The following ENOSF1 variants were observed in gnomAD, a reference collection of about 807,000 sequenced individuals.
The protein encoded by ENOSF1 is enolase superfamily member 1.
A neutral mutation model predicts 68.2 loss-of-function variants in ENOSF1; 73 were observed. That is an observed-to-expected ratio of 1.07 (90% confidence interval 0.89 to 1.30). The LOEUF is 1.30. ENOSF1 is among the 50% of genes most tolerant of loss of function. ENOSF1 has a pLI of 0.00. For missense variants in ENOSF1, 589 were observed against 554.5 expected (o/e 1.06, Z -0.62); for synonymous variants, 223 against 210.4 (o/e 1.06, Z -0.52).
chr18:683,324 C>T lies in ENOSF1; in HGVS notation c.798G>A (p.Lys266=), dbSNP rs1410196752. 1.2e-6 allele frequency: 2 copies of T among 1,614,164 alleles called. No individual in the cohort carries two copies. The highest frequency in any genetic ancestry group is 1.7e-6 in the Non-Finnish European group (2 of 1,180,026). ...DVPEAVEWMS[K]LAKFKPLWIE... is the part of the protein sequence containing the mutation. Reference sequence around the variant, plus strand: ...TCCACAATGGCTTGAACTTGGCCAGCTTGGACATCCACTCCACCGCCTCAG... The same window carrying T: ...TCCACAATGGCTTGAACTTGGCCAGTTTGGACATCCACTCCACCGCCTCAG... Residue 266 remains lysine (K), a synonymous_variant, in exon 11 of 16, where the codon AAG becomes AAA. Coordinates refer to ENST00000647584, the MANE Select transcript of ENOSF1 (RefSeq NM_017512.7).
intron 2 of ENOSF1, among the ~76,000 whole-genome samples, chr18:701,752 A>G (rs2612080): frequency 0.38 from 50,625 of 133,152 alleles, 9,138 homozygotes; most frequent in African/African-American, 0.43. Flanking sequence ...GCGAGACTCC[A>G]TCTCAAAAAA....
intron 11 of ENOSF1, chr18:682,928 A>C (rs868289467): frequency 2.1e-5 from 5 of 234,188 alleles, no homozygotes; most frequent in Non-Finnish European, 4.1e-5. Context: ...AAAACAAAAA[A>C]AAAAAATGCT....
At chr18:683,408 G>T in intron 10 of ENOSF1, 28 bp from the exon 11 acceptor site, 1 of 1,613,374 alleles carries the variant, frequency 6.2e-7, no homozygotes, top group Non-Finnish European at 8.5e-7. Context: ...TCACAGGGAG[G>T]TCAGCCCTGA....
chr18:675,376 T>C lies in ENOSF1; in HGVS notation c.1175A>G (p.His392Arg). 1 of 1,613,156 alleles carries C rather than the reference T, an allele frequency of 6.2e-7. No individual in the cohort carries two copies. The highest frequency in any genetic ancestry group is 8.5e-7 in the Non-Finnish European group (1 of 1,179,818). Residue 392 changes from histidine to arginine, a missense_variant, in exon 15 of 16, where the codon CAT becomes CGT. His to Arg is a conservative substitution (Grantham distance 29). Coordinates refer to ENST00000647584, the MANE Select transcript of ENOSF1 (RefSeq NM_017512.7). Reference sequence around the variant, plus strand: ...CATCACGGGATACTTGAAATGCTCATGCAGGTGGTCAACATACTCACACAC... The same window carrying C: ...CATCACGGGATACTTGAAATGCTCACGCAGGTGGTCAACATACTCACACAC... ...NRVCEYVDHL[H>R]EHFKYPVMIQ...
chr18:696,844 T>C (rs1189788280), intron 3 of ENOSF1, among the ~76,000 whole-genome samples: 1 of 152,154 alleles, frequency 6.6e-6, no homozygotes, highest in East Asian at 1.9e-4. Flanking sequence ...AGGATGGGCA[T>C]GGTGGCTCAC....
chr18:690,467 G>C (rs1202200150), intron 8 of ENOSF1, 82 bp downstream of exon 8: 2 of 1,465,760 alleles, frequency 1.4e-6, no homozygotes, highest in Admixed American at 3.4e-5. Context: ...GAGGTACTGA[G>C]AGTAGTGGTA....
At chr18:676,512 CT>C (rs1216675898) in intron 14 of ENOSF1, among the ~76,000 whole-genome samples, 2 of 152,190 alleles carry the variant, frequency 1.3e-5, no homozygotes, top group African/African-American at 4.8e-5. Flanking sequence ...CCCCCTTCAC[CT>C]TCCATCATGA....
chr18:710,234 G>GA lies in ENOSF1; in HGVS notation c.84+2269dup, dbSNP rs562417608. Among the ~76,000 whole-genome samples, 1,013 of 152,162 alleles carry GA rather than the reference G, an allele frequency of 6.7e-3. 6 individuals are homozygous for GA. The highest frequency in any genetic ancestry group is 0.027 in the South Asian group (128 of 4,802). ...AGAGATCCTCCCACCTCAGCCTCCT[G>GA]AGTGGCTGGGACCACAGGTGCATGC... On this transcript the variant is annotated intron_variant, in intron 1 of 15. Coordinates refer to ENST00000647584, the MANE Select transcript of ENOSF1 (RefSeq NM_017512.7).
intron 13 of ENOSF1, 141 bp downstream of exon 13, chr18:677,602 G>T: frequency 7.6e-7 from 1 of 1,321,228 alleles, no homozygotes; most frequent in East Asian, 2.3e-5. Context: ...AAAATTCCCG[G>T]ATTAAAGCTA....
At chr18:704,486 A>G (rs909067219) in intron 2 of ENOSF1, among the ~76,000 whole-genome samples, 3 of 150,994 alleles carry the variant, frequency 2.0e-5, no homozygotes, top group African/African-American at 2.4e-5. Flanking sequence ...TCTCTCTGTA[A>G]AACTTGTACA....
At chr18:678,632 G>C (rs1049525069) in intron 12 of ENOSF1, 64 bp downstream of exon 12, 2 of 1,523,442 alleles carry the variant, frequency 1.3e-6, no homozygotes, top group Non-Finnish European at 1.8e-6. Context: ...CTGTGTCCTC[G>C]GTCACTGGTC....
In ENOSF1 at chr18:680,142, T is replaced by C. The variant is rs1474387213; in HGVS notation, c.877-1405A>G. On this transcript the variant is annotated intron_variant, in intron 11 of 15. Transcript: ENST00000647584. Reference sequence around the variant, plus strand: ...GCCAACTTCTCAGCAGAAAAATCCCTTCACTCAGCAGCCAAGTATCCCTGA... The same window carrying C: ...GCCAACTTCTCAGCAGAAAAATCCCCTCACTCAGCAGCCAAGTATCCCTGA... 3.3e-5 allele frequency among the ~76,000 whole-genome samples: 5 copies of C among 152,204 alleles called. No homozygotes were observed. In the East Asian group the frequency reaches 9.6e-4, roughly 29 times the overall value.
intron 10 of ENOSF1, among the ~76,000 whole-genome samples, chr18:684,667 C>T (rs1289219241): frequency 1.3e-5 from 2 of 152,134 alleles, no homozygotes; most frequent in African/African-American, 4.8e-5. Context: ...CCAGTCCTCT[C>T]CCTCCTAGGC....
At chr18:697,147 C>T (rs560638539) in intron 3 of ENOSF1, 93 bp downstream of exon 3, 1 of 873,808 alleles carries the variant, frequency 1.1e-6, no homozygotes, top group East Asian at 2.5e-5. Context: ...AATAAATAAA[C>T]CCATCTCTAT....
At chr18:665,809 A>G (rs2074806587), downstream of ENOSF1, among the ~76,000 whole-genome samples, 2 of 97,350 alleles carry the variant, frequency 2.1e-5, 1 homozygote, top group Non-Finnish European at 3.8e-5. Context: ...TTCAGTTTCC[A>G]TGTAGTTGAG....
At chr18:681,370 C>G (rs1027437178) in intron 11 of ENOSF1, among the ~76,000 whole-genome samples, 1 of 152,198 alleles carries the variant, frequency 6.6e-6, no homozygotes, top group Admixed American at 6.5e-5. Flanking sequence ...GATGGCCTCC[C>G]TCATGTAAGC....
At chr18:667,499 A>T (rs868607037), downstream of ENOSF1, among the ~76,000 whole-genome samples, 102 of 10,174 alleles carry the variant, frequency 0.01, 7 homozygotes, top group Non-Finnish European at 0.011. Flanking sequence ...ATGGTGATGG[A>T]GATGGTGATG....
intron 10 of ENOSF1, 116 bp downstream of exon 10, chr18:685,805 T>A (rs182919491): frequency 1.0e-4 from 84 of 835,116 alleles, no homozygotes; most frequent in Admixed American, 3.6e-4. Context: ...ACCACAGAAG[T>A]GTACTTCCTC....
At chr18:706,772 T>A (rs141411647) in intron 1 of ENOSF1, 194 bp from the exon 2 acceptor site, 38 of 385,610 alleles carry the variant, frequency 9.9e-5, no homozygotes, top group African/African-American at 7.1e-4. Flanking sequence ...TCCTGAAAGA[T>A]CCAAAATGTT....
Sources: allele counts gnomAD v4.1 joint callset (sites outside exome capture counted in the v4.1 genomes callset), GRCh38; gene constraint gnomAD v4.1.1; transcripts MANE v1.5; gene names NCBI Gene and HGNC (gene_info 2026-07-23, HGNC 2026-07-21).